Variants in RAD51B observed in about 807,000 individuals in gnomAD.
RAD51B encodes the protein RAD51 paralog B.
In RAD51B, 38 loss-of-function variants were observed where a neutral mutation model predicts 42.2. The observed-to-expected ratio is 0.90, with a 90% CI of 0.70 to 1.18. The LOEUF (loss-of-function observed/expected upper bound fraction) is 1.18. Ranked by LOEUF, RAD51B falls within the 50% of genes most tolerant of loss-of-function variation. The pLI, the probability that RAD51B is intolerant of heterozygous loss-of-function variation, is 0.00. For synonymous variants in RAD51B, 154 were observed against 145.2 expected, an observed-to-expected ratio of 1.06 and a Z score of -0.43; for missense variants, 373 against 400.7, an observed-to-expected ratio of 0.93 and a Z score of 0.59.
intron 10 of RAD51B, among the ~76,000 whole-genome samples, chr14:68,515,441 TTC>T (rs375439004): frequency 0.11 from 9,564 of 87,208 alleles, 420 homozygotes; most frequent in Middle Eastern, 0.33. Flanking sequence ...CTTCTTCTTC[TTC>T]TTTTTTTTTT....
intron 11 of RAD51B, among the ~76,000 whole-genome samples, chr14:68,658,335 G>A (rs1457379620): frequency 2.6e-5 from 4 of 152,198 alleles, no homozygotes; most frequent in Non-Finnish European, 5.9e-5. Context: ...CTCAGCCCTG[G>A]GCAGCACTGA....
At chr14:68,666,853 C>T (rs1884810) in intron 11 of RAD51B, among the ~76,000 whole-genome samples, 126,769 of 152,184 alleles carry the variant, frequency 0.83, 52,988 homozygotes, top group East Asian at 0.94. Context: ...ACAGAACCAA[C>T]AGGATCTCCC....
At chr14:67,864,900 A>C in intron 4 of RAD51B, 103 bp from the exon 5 acceptor site, 1 of 1,413,770 alleles carries the variant, frequency 7.1e-7, no homozygotes, top group Non-Finnish European at 9.4e-7. Flanking sequence ...GTTGGACTGC[A>C]TATATGGCAA....
At chr14:67,915,838 C>G (rs2044133483) in intron 7 of RAD51B, among the ~76,000 whole-genome samples, 2 of 152,096 alleles carry the variant, frequency 1.3e-5, no homozygotes, top group South Asian at 4.1e-4. Context: ...CCTATTAGAG[C>G]CTGAAGCTTT....
chr14:68,173,244 G>C (rs2078905767), intron 7 of RAD51B, among the ~76,000 whole-genome samples: 2 of 152,200 alleles, frequency 1.3e-5, no homozygotes, highest in South Asian at 4.1e-4. Context: ...GCCAAGTAGG[G>C]CTGGCTAGAG....
chr14:68,021,673 C>T (rs1412663715), intron 7 of RAD51B, among the ~76,000 whole-genome samples: 1 of 152,162 alleles, frequency 6.6e-6, no homozygotes, highest in Non-Finnish European at 1.5e-5. Context: ...ATTGTGGGTT[C>T]AGTTCCAGAC....
At chr14:68,452,688 T>C (rs2085586751) in intron 9 of RAD51B, among the ~76,000 whole-genome samples, 1 of 152,220 alleles carries the variant, frequency 6.6e-6, no homozygotes, top group African/African-American at 2.4e-5. Flanking sequence ...CCCCATAAGA[T>C]TCTCTCATCA....
chr14:68,064,628 T>A (rs2076620667), intron 7 of RAD51B, among the ~76,000 whole-genome samples: 1 of 152,066 alleles, frequency 6.6e-6, no homozygotes, highest in African/African-American at 2.4e-5. Flanking sequence ...TTGTAGGCTT[T>A]CTTTGTTCTT....
chr14:67,825,491 C>G lies in RAD51B; in HGVS notation c.112C>G (p.Leu38Val). The G allele has an allele frequency of 1.2e-6, 2 of 1,613,402 alleles. No homozygotes were observed. The highest frequency in any genetic ancestry group is 1.7e-6 in the Non-Finnish European group (2 of 1,179,582). The stretch of plus-strand genomic sequence containing the variant: ...CTTTTTATGTCTTTCCCCACTGGAG[C>G]TTATGAAGGTGACTGGTCTGAGTTA... ...QDFLCLSPLE[L>V]MKVTGLSYRG... The change falls in exon 3 of 11, where the codon CTT (leucine) becomes GTT (valine). Residue 38 changes from leucine (L) to valine (V), a missense_variant. Transcript: ENST00000471583.
At chr14:68,429,502 C>A (rs1439544663) in intron 9 of RAD51B, among the ~76,000 whole-genome samples, 1 of 152,192 alleles carries the variant, frequency 6.6e-6, no homozygotes, top group African/African-American at 2.4e-5. Context: ...TCTCTGATGG[C>A]CAGTGGTAAT....
chr14:67,981,759 A>G (rs180843261), intron 7 of RAD51B, among the ~76,000 whole-genome samples: 2 of 152,194 alleles, frequency 1.3e-5, no homozygotes, highest in African/African-American at 4.8e-5. Flanking sequence ...AAAATGAAAA[A>G]TAATTCATAC....
At chr14:67,842,094 A>G (rs1179365875) in intron 4 of RAD51B, among the ~76,000 whole-genome samples, 2 of 152,038 alleles carry the variant, frequency 1.3e-5, no homozygotes, top group East Asian at 3.9e-4. Context: ...CCTTCCAAAG[A>G]TCGTTCACCT....
intron 10 of RAD51B, chr14:68,562,896 G>A: frequency 1.0e-6 from 1 of 985,440 alleles, no homozygotes; most frequent in Non-Finnish European, 1.2e-6. Flanking sequence ...GGCACCTTCT[G>A]GATGGAGCCC....
rs199719166 is a variant in RAD51B, at chr14:68,559,384, A to ATT, written c.1037-35088_1037-35087dup. 2.5e-3 allele frequency among the ~76,000 whole-genome samples: 352 copies of ATT among 142,394 alleles called. 2 individuals carry two copies. The highest frequency in any genetic ancestry group is 7.4e-3 in the African/African-American group (287 of 38,730). The allele number at this position is 142,394 out of a possible 152,430, so 93.4% of individuals were successfully genotyped here. A position where few individuals can be genotyped will look rare whatever the true frequency, so the allele number is the denominator to read the frequency against. ...TGTGATTAATACACATCCCAGGGGC[A>ATT]TTTTTTTTTTTTTTGAGATGGAGTC... On this transcript the variant is annotated intron_variant, in intron 10 of 10. Coordinates refer to the RAD51B transcript ENST00000487270.
Position 68,658,846 on chromosome 14 carries a change from C to T in RAD51B, c.*11+7990C>T, listed in dbSNP as rs148361429. Among the ~76,000 whole-genome samples the T allele has an allele frequency of 4.6e-3, 702 of 152,298 alleles. 11 individuals carry two copies. Among genetic ancestry groups the T allele is most frequent in the African/African-American group, 0.016 (671 of 41,542 alleles). On this transcript the variant is annotated intron_variant, in intron 11 of 11. Coordinates refer to the RAD51B transcript ENST00000488612. The stretch of plus-strand genomic sequence containing the variant: ...ACTCTGTGAAGCAGGTATATTTATC[C>T]CCAGTTTACAAAGGGAGAAACTGAG...
chr14:68,143,944 G>T (rs1420211047), intron 7 of RAD51B, among the ~76,000 whole-genome samples: 1 of 151,854 alleles, frequency 6.6e-6, no homozygotes, highest in African/African-American at 2.4e-5. Flanking sequence ...TCATCTTCAG[G>T]GATTTTTTTT....
At chr14:68,610,711 A>G (rs1485308020) in intron 10 of RAD51B, among the ~76,000 whole-genome samples, 6 of 151,822 alleles carry the variant, frequency 4.0e-5, no homozygotes, top group African/African-American at 1.5e-4. Context: ...CTTTACATCC[A>G]TTTCCACCCA....
intron 7 of RAD51B, among the ~76,000 whole-genome samples, chr14:68,045,814 G>A (rs2076290472): frequency 6.6e-6 from 1 of 152,088 alleles, no homozygotes; most frequent in Admixed American, 6.5e-5. Flanking sequence ...GCAAACCTTT[G>A]GGGATGATGA....
Position 68,461,885 on chromosome 14 carries a change from A to C in RAD51B, c.958-6287A>C, listed in dbSNP as rs868257321. On this transcript the variant is annotated intron_variant, in intron 9 of 10. Transcript: ENST00000471583. ...CCAATTTTCCTTCCACGCTTTATTT[A>C]GAGTACATAGGCCTCTGTGTTTCTA... Among the ~76,000 whole-genome samples the C allele has an allele frequency of 3.3e-5, 5 of 152,226 alleles. No individual in the cohort carries two copies. The South Asian group carries it at 1.0e-3, about 32-fold the overall frequency.
Sources: allele counts gnomAD v4.1 joint callset (sites outside exome capture counted in the v4.1 genomes callset), GRCh38; gene constraint gnomAD v4.1.1; transcripts MANE v1.5; gene names NCBI Gene and HGNC (gene_info 2026-07-23, HGNC 2026-07-21).